Variants in CCNY observed in about 807,000 individuals in gnomAD.
CCNY encodes the protein cyclin-Y.
In CCNY, 19 loss-of-function variants were observed where a neutral mutation model predicts 42.8. The ratio of observed to expected loss-of-function variants is 0.44; its 90% confidence interval spans 0.31 to 0.65. The LOEUF (loss-of-function observed/expected upper bound fraction) is 0.65, where lower values mean the gene tolerates loss of function less well. CCNY is among the 30% of genes least tolerant of loss of function. The pLI is 0.07. For missense variants in CCNY, 370 were observed against 437.3 expected (o/e 0.85, Z 1.37); for synonymous variants, 165 against 162.7 (o/e 1.01, Z -0.11).
chr10:35,348,301 G>A (rs904932522), intron 1 of CCNY, among the ~76,000 whole-genome samples: 1 of 152,188 alleles, frequency 6.6e-6, no homozygotes, highest in African/African-American at 2.4e-5. Context: ...CTCCTATTTG[G>A]TGGTAGGGAG....
intron 3 of CCNY, among the ~76,000 whole-genome samples, chr10:35,502,441 C>T (rs1840129627): frequency 6.6e-6 from 1 of 152,154 alleles, no homozygotes; most frequent in Admixed American, 6.5e-5. Context: ...GACTTAAAGC[C>T]ATAATGTTGT....
intron 1 of CCNY, among the ~76,000 whole-genome samples, chr10:35,358,014 C>A (rs940960057): frequency 6.6e-6 from 1 of 151,920 alleles, no homozygotes; most frequent in Non-Finnish European, 1.5e-5. Flanking sequence ...TTTGCTATGT[C>A]CTTATCATTC....
chr10:35,473,937 G>C (rs951871641), intron 1 of CCNY, among the ~76,000 whole-genome samples: 2 of 152,152 alleles, frequency 1.3e-5, no homozygotes, highest in Non-Finnish European at 1.5e-5. Flanking sequence ...CAGTGGGTGC[G>C]CGCACCATGC....
intron 3 of CCNY, among the ~76,000 whole-genome samples, chr10:35,321,396 G>C (rs1241007847): frequency 2.0e-5 from 3 of 151,878 alleles, no homozygotes; most frequent in African/African-American, 7.3e-5. Context: ...GCAGGGGTGG[G>C]GCACGATGGC....
At chr10:35,495,566 T>G (rs1319228663) in intron 2 of CCNY, among the ~76,000 whole-genome samples, 2 of 152,240 alleles carry the variant, frequency 1.3e-5, no homozygotes, top group African/African-American at 4.8e-5. Context: ...CTTTGCTTAT[T>G]TAGATTTCAC....
At chr10:35,332,667 C>T (rs1031919779), upstream of CCNY, among the ~76,000 whole-genome samples, 47 of 152,226 alleles carry the variant, frequency 3.1e-4, no homozygotes, top group African/African-American at 1.1e-3. Context: ...TGCAGTGGCA[C>T]GATCTCGGCT....
At chr10:35,494,372 A>G (rs1428196629) in intron 2 of CCNY, among the ~76,000 whole-genome samples, 1 of 152,138 alleles carries the variant, frequency 6.6e-6, no homozygotes, top group Non-Finnish European at 1.5e-5. Context: ...AGCTCATTAT[A>G]TTAGAATACA....
At chr10:35,372,000 G>C (rs555390047) in intron 1 of CCNY, among the ~76,000 whole-genome samples, 22 of 152,332 alleles carry the variant, frequency 1.4e-4, no homozygotes, top group African/African-American at 4.8e-4. Flanking sequence ...GGTTATAAAG[G>C]ATGCAGCAAC....
At chr10:35,349,699 G>A (rs187976181) in intron 1 of CCNY, among the ~76,000 whole-genome samples, 15 of 152,252 alleles carry the variant, frequency 9.9e-5, no homozygotes, top group Non-Finnish European at 1.5e-4. Context: ...CATTAGGGGG[G>A]GCTGCCCTAT....
chr10:35,301,502 T>C (rs1835532954), intron 3 of CCNY, among the ~76,000 whole-genome samples: 1 of 152,252 alleles, frequency 6.6e-6, no homozygotes, highest in Non-Finnish European at 1.5e-5. Flanking sequence ...TTTGCAGATG[T>C]TCTTGGCTGT....
chr10:35,478,791 G>T (rs1459300751), intron 1 of CCNY, among the ~76,000 whole-genome samples: 1 of 152,116 alleles, frequency 6.6e-6, no homozygotes, highest in Non-Finnish European at 1.5e-5. Context: ...TGACAAATGG[G>T]ATCTAATTAA....
intron 1 of CCNY, among the ~76,000 whole-genome samples, chr10:35,372,254 A>C (rs188812316): frequency 3.9e-5 from 6 of 152,158 alleles, no homozygotes; most frequent in African/African-American, 1.2e-4. Flanking sequence ...AGCAAGGAGG[A>C]GTGGCTGCAT....
At chr10:35,312,548 C>T (rs898227414) in intron 3 of CCNY, among the ~76,000 whole-genome samples, 1 of 151,804 alleles carries the variant, frequency 6.6e-6, no homozygotes, top group Non-Finnish European at 1.5e-5. Context: ...TAATGTAGTA[C>T]GATGTGAGGG....
intron 1 of CCNY, among the ~76,000 whole-genome samples, chr10:35,482,878 C>T (rs1324609729): frequency 6.6e-6 from 1 of 151,572 alleles, no homozygotes; most frequent in Non-Finnish European, 1.5e-5. Flanking sequence ...CAAAACATGT[C>T]TGGGGCCCAG....
At chr10:35,427,947 C>T (rs940134261) in intron 1 of CCNY, among the ~76,000 whole-genome samples, 1 of 152,086 alleles carries the variant, frequency 6.6e-6, no homozygotes, top group African/African-American at 2.4e-5. Context: ...ACATCCAACT[C>T]CTCCCCTTCC....
At chr10:35,428,771 A>T (rs1589114981) in intron 1 of CCNY, among the ~76,000 whole-genome samples, 1 of 152,128 alleles carries the variant, frequency 6.6e-6, no homozygotes, top group East Asian at 1.9e-4. Context: ...AGGTGGTGGC[A>T]TTGACAGGAC....
At chr10:35,482,509 T>C (rs1839690930) in intron 1 of CCNY, among the ~76,000 whole-genome samples, 1 of 152,236 alleles carries the variant, frequency 6.6e-6, no homozygotes, top group South Asian at 2.1e-4. Flanking sequence ...TATACCATCC[T>C]GACAAGTTGT....
chr10:35,270,564 C>G (rs1218394890), intron 3 of CCNY, among the ~76,000 whole-genome samples: 1 of 152,002 alleles, frequency 6.6e-6, no homozygotes, highest in Non-Finnish European at 1.5e-5. Flanking sequence ...TGGTTTTTGC[C>G]TGAATTGGTG....
rs550831159 is a variant in CCNY, at chr10:35,491,644, C to T, written c.229+8166C>T. The stretch of plus-strand genomic sequence containing the variant: ...TATTTATTTATTTATTTTTTTGAGA[C>T]GCTCTGTCGCCCAGGCTGGAGTGCA... On this transcript the variant is annotated intron_variant, in intron 2 of 9. Coordinates refer to ENST00000374704, the MANE Select transcript of CCNY (RefSeq NM_145012.6). 1.2e-4 allele frequency among the ~76,000 whole-genome samples: 19 copies of T among 152,152 alleles called. No individual in the cohort carries two copies. The South Asian group carries it at 1.7e-3, about 13-fold the overall frequency.
Sources: gnomAD v4.1 joint callset for allele counts (sites outside exome capture counted in the v4.1 genomes callset) on GRCh38, gnomAD v4.1.1 for gene constraint, MANE v1.5 for transcripts, NCBI Gene and HGNC (gene_info 2026-07-23, HGNC 2026-07-21) for gene names.